Variants in MIIP observed in about 807,000 individuals in gnomAD.
MIIP encodes the protein migration and invasion-inhibitory protein.
MIIP carries 44 observed loss-of-function variants against 44.8 expected under a neutral mutation model. The observed-to-expected ratio is 0.98, with a 90% confidence interval of 0.77 to 1.26. The LOEUF is 1.26. Ranked by LOEUF, MIIP falls within the 50% of genes most tolerant of loss-of-function variation. The pLI, the probability that MIIP is intolerant of heterozygous loss-of-function variation, is 0.00. For missense variants in MIIP, 496 were observed against 511.7 expected, an observed-to-expected ratio of 0.97 and a Z score of 0.30; for synonymous variants, 225 against 218.3, an observed-to-expected ratio of 1.03 and a Z score of -0.27.
At chr1:12,020,369 G>A (rs990771338) in intron 1 of MIIP, among the ~76,000 whole-genome samples, 1 of 152,186 alleles carries the variant, frequency 6.6e-6, no homozygotes, top group African/African-American at 2.4e-5. Context: ...CCCAGGAGGC[G>A]GAGGTTGCAG....
chr1:12,030,012 C>T lies in MIIP; in HGVS notation c.846-16C>T, dbSNP rs756362314. ...TGGGAGGCTCCTCAGGGGTCCCCCACTGCCCCCCTGCGCAGGGTGAGCATC... is the reference window on the plus strand; with the variant it reads ...TGGGAGGCTCCTCAGGGGTCCCCCATTGCCCCCCTGCGCAGGGTGAGCATC... On this transcript the variant is annotated splice_polypyrimidine_tract_variant and intron_variant, in intron 7 of 9. Transcript: ENST00000235332. 1.9e-5 allele frequency: 30 copies of T among 1,611,160 alleles called. No individual in the cohort carries two copies. The South Asian group carries it at 3.2e-4, about 17-fold the overall frequency.
chr1:12,031,188 T>C (rs1640232694), intron 8 of MIIP, 78 bp from the exon 9 acceptor site: 1 of 1,511,334 alleles, frequency 6.6e-7, no homozygotes, highest in African/African-American at 1.4e-5. Context: ...GGGGCACAGT[T>C]CCTCCCTGAT....
Position 12,021,703 on chromosome 1 carries a change from G to T in MIIP, c.-24G>T. On this transcript the variant is annotated 5_prime_UTR_variant, in exon 2 of 10. Transcript: ENST00000235332. ...GACATCCTGCGGCCCAGGGGCAAGT[G>T]ACACCTGCTGAGAGAGGCCCAGGAT... 6.2e-7 allele frequency: 1 copy of T among 1,606,996 alleles called. No individual in the cohort carries two copies. Among genetic ancestry groups the T allele is most frequent in the South Asian group, 1.1e-5 (1 of 90,454 alleles).
At chr1:12,025,813 TCA>T (rs1640094013) in intron 4 of MIIP, among the ~76,000 whole-genome samples, 1 of 152,154 alleles carries the variant, frequency 6.6e-6, no homozygotes, top group African/African-American at 2.4e-5. Context: ...CAATTCTTCC[TCA>T]GCCTCCCAGG....
chr1:12,022,550 C>A, intron 3 of MIIP, 108 bp downstream of exon 3: 1 of 964,064 alleles, frequency 1.0e-6, no homozygotes, highest in Non-Finnish European at 1.5e-6. Context: ...GAATAAGAGG[C>A]TCCTGGGAGA....
At chr1:12,025,321 A>G (rs956482203) in intron 4 of MIIP, among the ~76,000 whole-genome samples, 5 of 151,872 alleles carry the variant, frequency 3.3e-5, no homozygotes, top group Admixed American at 2.6e-4. Flanking sequence ...CGGCCTCCCA[A>G]AGTGCTGGGA....
At chr1:12,030,997 C>T in intron 8 of MIIP, 1 of 438,426 alleles carries the variant, frequency 2.3e-6, no homozygotes, top group South Asian at 3.2e-5. Flanking sequence ...CATGCAGGTG[C>T]TTGGAGAGCC....
At position 12,030,031 on chromosome 1, in the gene MIIP, G is replaced by C; in HGVS notation, c.849G>C (p.Val283=). ...CCCCCACTGCCCCCCTGCGCAGGGT[G>C]AGCATCCCGCTGTCGATCCTGGAGC... is the stretch of plus-strand genomic sequence containing the variant. ...GTLAQPAHVR[V]SIPLSILEPP... Residue 283 remains valine, a synonymous_variant, in exon 8 of 10, where the codon GTG becomes GTC. Transcript: ENST00000235332. 6.2e-7 allele frequency: 1 copy of C among 1,613,474 alleles called. No homozygotes were observed. Among genetic ancestry groups the C allele is most frequent in the East Asian group, 2.2e-5 (1 of 44,880 alleles).
intron 4 of MIIP, among the ~76,000 whole-genome samples, chr1:12,025,152 C>T (rs190736633): frequency 3.4e-4 from 51 of 148,928 alleles, no homozygotes; most frequent in Admixed American, 2.1e-3. Flanking sequence ...CTTCACCTCC[C>T]GGGTTCGAGT....
intron 4 of MIIP, among the ~76,000 whole-genome samples, chr1:12,025,040 G>GTTT (rs1640074638): frequency 5.0e-5 from 7 of 138,830 alleles, no homozygotes; most frequent in African/African-American, 1.1e-4. Flanking sequence ...TTTTTTTTTT[G>GTTT]TTTTTTGTTT....
Position 12,029,045 on chromosome 1 carries a change from C to T in MIIP, c.560C>T (p.Thr187Ile). Residue 187 changes from threonine (T) to isoleucine (I), a missense_variant, in exon 5 of 10, where the codon ACC (threonine) becomes ATC (isoleucine). By Grantham distance (89) the Thr-to-Ile change is moderately conservative. Coordinates refer to ENST00000235332, the MANE Select transcript of MIIP (RefSeq NM_021933.4). ...GYDWIAGSLD[T>I]SSSITSQPEA... Reference sequence around the variant, plus strand: ...TTGCCCACACCAGGGTCTCTGGACACCAGCTCTTCCATCACCAGCCAGCCT... The same window carrying T: ...TTGCCCACACCAGGGTCTCTGGACATCAGCTCTTCCATCACCAGCCAGCCT... 1 of 1,614,086 alleles carries T rather than the reference C, an allele frequency of 6.2e-7. No individual in the cohort carries two copies. Among genetic ancestry groups the T allele is most frequent in the African/African-American group, 1.3e-5 (1 of 75,062 alleles).
chr1:12,021,253 G>A (rs1299721625), intron 1 of MIIP, among the ~76,000 whole-genome samples: 1 of 151,912 alleles, frequency 6.6e-6, no homozygotes, highest in African/African-American at 2.4e-5. Context: ...AATTAGCTGG[G>A]CGTGGTGGCA....
chr1:12,026,129 A>C (rs1640101266), intron 4 of MIIP, among the ~76,000 whole-genome samples: 1 of 151,284 alleles, frequency 6.6e-6, no homozygotes, highest in South Asian at 2.1e-4. Flanking sequence ...TCGTGGTGAA[A>C]CTCTGTCTCT....
At chr1:12,028,174 T>G (rs901280184) in intron 4 of MIIP, among the ~76,000 whole-genome samples, 1 of 152,210 alleles carries the variant, frequency 6.6e-6, no homozygotes, top group African/African-American at 2.4e-5. Flanking sequence ...TCCACTGCAC[T>G]GCACCCTGGG....
chr1:12,023,586 G>GT (rs926468381), intron 4 of MIIP, among the ~76,000 whole-genome samples: 113 of 149,010 alleles, frequency 7.6e-4, no homozygotes, highest in South Asian at 1.3e-3. Context: ...TTGTATTTTT[G>GT]TTTTTTTTAG....
rs1484089582 is a variant in MIIP at position 12,031,146 on chromosome 1, C to G, written c.943-120C>G. ...GGGTAGTCTTGTGGGTAGACACAGG[C>G]CCTGCCTTGGTGGGGGCCTCCTTCC... On this transcript the variant is annotated intron_variant, in intron 8 of 9. Transcript: ENST00000235332. 3.2e-6 allele frequency: 4 copies of G among 1,259,064 alleles called. No homozygotes were observed. The Admixed American group carries it at 7.8e-5, about 24-fold the overall frequency. 78.0% of individuals were successfully genotyped at this position (1,259,064 alleles called of 1,614,324 possible).
At chr1:12,024,927 A>G (rs1014942576) in intron 4 of MIIP, among the ~76,000 whole-genome samples, 1 of 151,922 alleles carries the variant, frequency 6.6e-6, no homozygotes, top group Non-Finnish European at 1.5e-5. Flanking sequence ...ACCTCATATA[A>G]GTGAAATCAT....
chr1:12,023,428 GTC>G (rs1368477389), intron 4 of MIIP, among the ~76,000 whole-genome samples: 8 of 90,172 alleles, frequency 8.9e-5, no homozygotes, highest in African/African-American at 2.7e-4. Flanking sequence ...TTTTGAGATA[GTC>G]TCTCGCTCTG....
intron 8 of MIIP, 29 bp downstream of exon 8, chr1:12,030,153 A>G: frequency 6.2e-7 from 1 of 1,604,424 alleles, no homozygotes; most frequent in Non-Finnish European, 8.5e-7. Context: ...CTGGATGGTG[A>G]TGAGGGCGGG....
Sources: gnomAD v4.1 joint callset for allele counts (sites outside exome capture counted in the v4.1 genomes callset) on GRCh38, gnomAD v4.1.1 for gene constraint, MANE v1.5 for transcripts, NCBI Gene and HGNC (gene_info 2026-07-23, HGNC 2026-07-21) for gene names.